USP6NL: variants seen among roughly 807,000 people sequenced by gnomAD.
USP6NL encodes USP6 N-terminal-like protein.
USP6NL carries 26 observed loss-of-function variants against 61.9 expected under a neutral mutation model. That is an observed-to-expected ratio of 0.42 (90% CI 0.31 to 0.58). The LOEUF is 0.58. Among genes scored for constraint, USP6NL ranks in the 20% least tolerant of loss-of-function variants. USP6NL has a pLI of 0.16. For missense variants in USP6NL, 1,114 were observed against 1,034.3 expected (o/e 1.08, Z -1.06); for synonymous variants, 432 against 390.1 (o/e 1.11, Z -1.27).
At chr10:11,555,451 T>TATATATATATAGAGAG (rs1427219382) in intron 2 of USP6NL, among the ~76,000 whole-genome samples, 8 of 61,004 alleles carry the variant, frequency 1.3e-4, no homozygotes, top group East Asian at 9.7e-4. Context: ...TATATATATA[T>TATATATATATAGAGAG]AGAGAGAGAG....
rs1029097430 is a variant in USP6NL, at chr10:11,500,970, A to T, written c.384+131T>A. 5.1e-5 allele frequency: 34 copies of T among 669,710 alleles called. No individual in the cohort carries two copies. The Admixed American group carries it at 6.2e-4, about 12-fold the overall frequency. 41.5% of individuals were successfully genotyped at this position (669,710 alleles called of 1,614,324 possible). ...AATCAAGAAAACAAATAGACCTCCAAAACCTCCAATGCGATAGAATTTTAA... is the reference window on the plus strand; with the variant it reads ...AATCAAGAAAACAAATAGACCTCCATAACCTCCAATGCGATAGAATTTTAA... On this transcript the variant is annotated intron_variant, in intron 7 of 14. Transcript: ENST00000609104.
At chr10:11,497,591 G>T (rs1833992044) in intron 7 of USP6NL, among the ~76,000 whole-genome samples, 2 of 152,102 alleles carry the variant, frequency 1.3e-5, no homozygotes, top group Admixed American at 1.3e-4. Flanking sequence ...AGGCAGAAAA[G>T]ACCCAAACGC....
chr10:11,512,617 G>A (rs759952763), intron 5 of USP6NL, among the ~76,000 whole-genome samples: 12 of 152,134 alleles, frequency 7.9e-5, no homozygotes, highest in Non-Finnish European at 1.3e-4. Context: ...TCTACCTCCT[G>A]CTACTTCTGT....
chr10:11,546,257 T>C (rs956551166), intron 2 of USP6NL, among the ~76,000 whole-genome samples: 8 of 152,238 alleles, frequency 5.3e-5, no homozygotes, highest in African/African-American at 1.9e-4. Flanking sequence ...AAAGGTAAAC[T>C]ATAAACTGTT....
At chr10:11,606,074 CAGAA>C (rs1352904326) in intron 1 of USP6NL, among the ~76,000 whole-genome samples, 1 of 151,950 alleles carries the variant, frequency 6.6e-6, no homozygotes, top group Non-Finnish European at 1.5e-5. Context: ...AAAATAGAAA[CAGAA>C]AGAGACAGAA....
intron 4 of USP6NL, among the ~76,000 whole-genome samples, chr10:11,523,082 AAG>A (rs138092148): frequency 0.019 from 2,966 of 152,362 alleles, 58 homozygotes; most frequent in African/African-American, 0.052. Flanking sequence ...AGCACACAGT[AAG>A]TGCACAATAA....
rs369641606 is a variant in USP6NL at position 11,463,121 on chromosome 10, A to C, written c.1807T>G (p.Phe603Val). 49 of 1,613,778 alleles carry C rather than the reference A, an allele frequency of 3.0e-5. No homozygotes were observed. The highest frequency in any genetic ancestry group is 1.6e-4 in the Middle Eastern group (1 of 6,084). ...CTTGGAGGCTGTACTTTAAAAGTAAACTTGTTGGATACTTTTGATGGACTA... is the reference window on the plus strand; with the variant it reads ...CTTGGAGGCTGTACTTTAAAAGTAACCTTGTTGGATACTTTTGATGGACTA... ...SSSPSKVSNK[F>V]TFKVQPPSHA... The change falls in exon 15 of 15, where the codon TTT becomes GTT. Residue 603 changes from phenylalanine to valine, a missense_variant. Coordinates refer to ENST00000609104, the MANE Select transcript of USP6NL (RefSeq NM_014688.5). The surrounding 1 kb of genome is among the most constrained non-coding windows in gnomAD (Gnocchi z 6.3).
At chr10:11,514,734 T>C (rs1443226951) in intron 5 of USP6NL, among the ~76,000 whole-genome samples, 1 of 152,230 alleles carries the variant, frequency 6.6e-6, no homozygotes, top group Non-Finnish European at 1.5e-5. Context: ...TGTTCAAAAC[T>C]AAATTTTGGG....
Position 11,589,934 on chromosome 10 carries a change from GAC to G in USP6NL, c.4+7695_4+7696del, listed in dbSNP as rs1838106972. 6.6e-6 allele frequency among the ~76,000 whole-genome samples: 1 copy of G among 152,146 alleles called. No individual in the cohort carries two copies. The highest frequency in any genetic ancestry group is 2.4e-5 in the African/African-American group (1 of 41,424). On this transcript the variant is annotated intron_variant, in intron 2 of 14. Transcript: ENST00000609104. The surrounding 1 kb of genome is among the most constrained non-coding windows in gnomAD (Gnocchi z 4.7). ...TCAGTTTCTAAATTCAGAGGGAAAA[GAC>G]AGCACTCTACTACCAACTGCCTGCA... is the stretch of plus-strand genomic sequence containing the variant.
At chr10:11,588,230 T>A (rs917680031) in intron 2 of USP6NL, among the ~76,000 whole-genome samples, 1 of 152,234 alleles carries the variant, frequency 6.6e-6, no homozygotes, top group African/African-American at 2.4e-5. Flanking sequence ...CAAAAGGCAA[T>A]GTGTGAATAA....
Position 11,582,150 on chromosome 10 carries a change from G to T in USP6NL, c.4+15481C>A, listed in dbSNP as rs141104401. Among the ~76,000 whole-genome samples, 306 of 152,340 alleles carry T rather than the reference G, an allele frequency of 2.0e-3. 1 individual carries two copies. Among genetic ancestry groups the T allele is most frequent in the African/African-American group, 6.7e-3 (280 of 41,580 alleles). On this transcript the variant is annotated intron_variant, in intron 2 of 14. Transcript: ENST00000609104. ...TGGCTAACTTTTTGTATTTTTAGTA[G>T]AGACGGGGTTTCGCCATGTTGGGCA...
At chr10:11,564,244 A>C (rs1837041540) in intron 2 of USP6NL, 1 of 152,220 alleles carries the variant, frequency 6.6e-6, no homozygotes, top group Non-Finnish European at 1.5e-5. Context: ...ATACTTCAGC[A>C]CATTTAAATT....
At chr10:11,599,046 A>G (rs74116278) in intron 1 of USP6NL, among the ~76,000 whole-genome samples, 1,999 of 152,314 alleles carry the variant, frequency 0.013, 43 homozygotes, top group African/African-American at 0.046. Flanking sequence ...GGAAAATCTA[A>G]AACATATAAC....
In USP6NL at chr10:11,509,580, A is replaced by G. The variant is rs181878878; in HGVS notation, c.276+15T>C. ...TTTATATAGTTTCATATGGAAAAAC[A>G]TGATTTTAAATTACCTTTTCAGTGT... On this transcript the variant is annotated intron_variant, in intron 6 of 14. Coordinates refer to ENST00000609104, the MANE Select transcript of USP6NL (RefSeq NM_014688.5). The G allele has an allele frequency of 3.3e-6, 5 of 1,533,996 alleles. No individual in the cohort carries two copies. Among genetic ancestry groups the G allele is most frequent in the Non-Finnish European group, 4.4e-6 (5 of 1,136,312 alleles).
rs1833504379 is a variant in USP6NL, at chr10:11,487,151, TA to T, written c.665-1241del. On this transcript the variant is annotated intron_variant, in intron 10 of 14. Transcript: ENST00000609104. The surrounding 1 kb of genome is among the most constrained non-coding windows in gnomAD (Gnocchi z 4.2). ...AAAAGTCTAATTTTCGAAAAGTCAA[TA>T]CAGTTCAGTAATAACTAGCTCAAGA... Among the ~76,000 whole-genome samples, 2 of 152,114 alleles carry T rather than the reference TA, an allele frequency of 1.3e-5. No homozygotes were observed. Among genetic ancestry groups the T allele is most frequent in the African/African-American group, 4.8e-5 (2 of 41,420 alleles).
intron 2 of USP6NL, among the ~76,000 whole-genome samples, chr10:11,569,267 T>A (rs1837275755): frequency 6.6e-6 from 1 of 152,224 alleles, no homozygotes. Context: ...CTGAAAGGGT[T>A]CATTTTTGGA....
Position 11,527,494 on chromosome 10 carries a change from A to G in USP6NL, c.72+6T>C. The G allele has an allele frequency of 6.3e-7, 1 of 1,598,302 alleles. No homozygotes were observed. Among genetic ancestry groups the G allele is most frequent in the Non-Finnish European group, 8.5e-7 (1 of 1,171,462 alleles). ...CTCACCCAAAGTGTTAAATATGGAT[A>G]CTTACTCTGTCATATTTAGCAACTA... is the stretch of plus-strand genomic sequence containing the variant. On this transcript the variant is annotated splice_donor_region_variant and intron_variant, in intron 3 of 14. Transcript: ENST00000609104.
At chr10:11,582,148 TAG>T (rs1837796017) in intron 2 of USP6NL, among the ~76,000 whole-genome samples, 1 of 152,228 alleles carries the variant, frequency 6.6e-6, no homozygotes, top group Non-Finnish European at 1.5e-5. Context: ...GTATTTTTAG[TAG>T]AGACGGGGTT....
intron 4 of USP6NL, among the ~76,000 whole-genome samples, chr10:11,522,095 C>T (rs1835232687): frequency 6.6e-6 from 1 of 152,196 alleles, no homozygotes; most frequent in Non-Finnish European, 1.5e-5. Flanking sequence ...TGGCAGAGCT[C>T]AGTTGGTTTG....
Sources: allele counts gnomAD v4.1 joint callset (sites outside exome capture counted in the v4.1 genomes callset), GRCh38; gene constraint gnomAD v4.1.1; non-coding constraint Gnocchi (gnomAD v3.1); transcripts MANE v1.5; gene names NCBI Gene and HGNC (gene_info 2026-07-23, HGNC 2026-07-21).